Variants in KLHL8 observed in about 807,000 individuals in gnomAD.
The protein encoded by KLHL8 is kelch-like protein 8.
A neutral mutation model predicts 63.5 loss-of-function variants in KLHL8; 38 were observed. The ratio of observed to expected loss-of-function variants is 0.60; its 90% CI spans 0.46 to 0.78. KLHL8 has a LOEUF of 0.78. Ranked by LOEUF, KLHL8 falls within the 30% of genes least tolerant of loss-of-function variation. The pLI is 0.00. For synonymous variants in KLHL8, 224 were observed against 254.3 expected (o/e 0.88, Z 1.13); for missense variants, 566 against 752.4 (o/e 0.75, Z 2.90).
intron 1 of KLHL8, among the ~76,000 whole-genome samples, chr4:87,201,172 A>G (rs1280471922): frequency 6.6e-6 from 1 of 152,240 alleles, no homozygotes; most frequent in African/African-American, 2.4e-5. Flanking sequence ...TTTGCAAGAT[A>G]AAGTTCTAGA....
chr4:87,178,327 C>A (rs1314453023), intron 5 of KLHL8, 150 bp downstream of exon 5: 8 of 776,480 alleles, frequency 1.0e-5, no homozygotes, highest in African/African-American at 3.6e-5. Context: ...TCTGTGGGCA[C>A]AAAGCAAGTA....
chr4:87,171,199 A>C (rs989784239), intron 6 of KLHL8, among the ~76,000 whole-genome samples: 2 of 152,194 alleles, frequency 1.3e-5, no homozygotes, highest in Non-Finnish European at 2.9e-5. Flanking sequence ...TCAATTTCTT[A>C]AAAAACACAC....
intron 1 of KLHL8, among the ~76,000 whole-genome samples, chr4:87,239,555 A>G (rs1268751447): frequency 6.6e-6 from 1 of 152,176 alleles, no homozygotes; most frequent in African/African-American, 2.4e-5. Flanking sequence ...AGATCAGAGA[A>G]AAGGTGATGA....
chr4:87,177,012 G>A, intron 5 of KLHL8, 144 bp from the exon 6 acceptor site: 2 of 501,210 alleles, frequency 4.0e-6, no homozygotes, highest in Non-Finnish European at 6.9e-6. Context: ...TATGATCAAT[G>A]TCATTTCAGT....
chr4:87,226,613 A>G (rs1252879742), intron 1 of KLHL8, among the ~76,000 whole-genome samples: 1 of 50,168 alleles, frequency 2.0e-5, no homozygotes, highest in Non-Finnish European at 3.2e-5. Context: ...TATATTATTT[A>G]TATAAATAAT....
intron 8 of KLHL8, among the ~76,000 whole-genome samples, chr4:87,166,445 A>T (rs1477716258): frequency 6.6e-6 from 1 of 152,264 alleles, no homozygotes; most frequent in Non-Finnish European, 1.5e-5. Flanking sequence ...GGAAGGTATT[A>T]CTAATCACAA....
At chr4:87,225,850 G>C (rs1203260875) in intron 1 of KLHL8, among the ~76,000 whole-genome samples, 2 of 152,030 alleles carry the variant, frequency 1.3e-5, no homozygotes, top group Non-Finnish European at 2.9e-5. Flanking sequence ...GGGTGTTGTT[G>C]TTTTTTTGTT....
At chr4:87,224,866 A>G (rs898319642), upstream of KLHL8, among the ~76,000 whole-genome samples, 25 of 150,432 alleles carry the variant, frequency 1.7e-4, no homozygotes, top group African/African-American at 5.6e-4. Context: ...TTTGCTGACC[A>G]TTTTCTGATA....
At chr4:87,178,641 T>C (rs779603429) in intron 4 of KLHL8, 21 bp from the exon 5 acceptor site, 13 of 1,505,566 alleles carry the variant, frequency 8.6e-6, no homozygotes, top group Non-Finnish European at 1.1e-5. Context: ...AGCCACAAAA[T>C]AGAGATAAAT....
intron 1 of KLHL8, chr4:87,207,055 C>G: frequency 2.4e-6 from 1 of 415,732 alleles, no homozygotes; most frequent in Non-Finnish European, 4.6e-6. Context: ...ACAGCTGCAT[C>G]TTCTCATGCA....
chr4:87,227,274 G>A (rs1733047839), intron 1 of KLHL8, among the ~76,000 whole-genome samples: 1 of 151,772 alleles, frequency 6.6e-6, no homozygotes, highest in African/African-American at 2.4e-5. Flanking sequence ...CAGTTTTAAA[G>A]TATCTCTCTC....
chr4:87,207,482 T>C (rs574862850), intron 1 of KLHL8: 1 of 771,314 alleles, frequency 1.3e-6, no homozygotes, highest in African/African-American at 1.7e-5. Context: ...ATGTTAGTGA[T>C]GGGCATGAAC....
Position 87,207,557 on chromosome 4 carries a change from C to A in KLHL8, c.-151-11867G>T, listed in dbSNP as rs529552412. The A allele has an allele frequency of 1.2e-3, 1,309 of 1,121,806 alleles. 4 individuals are homozygous for A. The highest frequency in any genetic ancestry group is 1.5e-3 in the Non-Finnish European group (1,149 of 742,164). The allele number at this position is 1,121,806 out of a possible 1,614,324, so 69.5% of individuals were successfully genotyped here. A position where few individuals can be genotyped will look rare whatever the true frequency, so the allele number is the denominator to read the frequency against. ...GCCTTCTGCACCACCAACTGCTTAG[C>A]GCCCCTGGCCAATGTCATCCATGAC... On this transcript the variant is annotated intron_variant, in intron 1 of 9. Coordinates refer to ENST00000273963, the MANE Select transcript of KLHL8 (RefSeq NM_020803.5).
intron 1 of KLHL8, among the ~76,000 whole-genome samples, chr4:87,228,600 C>T (rs1733074745): frequency 6.6e-6 from 1 of 152,188 alleles, no homozygotes; most frequent in Admixed American, 6.5e-5. Flanking sequence ...CCTGCCCAGC[C>T]TTTCAGGCTT....
At chr4:87,217,485 C>T (rs1186203487) in intron 1 of KLHL8, among the ~76,000 whole-genome samples, 1 of 151,934 alleles carries the variant, frequency 6.6e-6, no homozygotes, top group Non-Finnish European at 1.5e-5. Context: ...CAGGTGCACA[C>T]CACCACATCT....
intron 1 of KLHL8, among the ~76,000 whole-genome samples, chr4:87,215,450 T>C (rs981226060): frequency 7.9e-5 from 12 of 152,194 alleles, no homozygotes; most frequent in South Asian, 2.1e-4. Context: ...ACCTTGAACT[T>C]TGAAAAACAT....
intron 1 of KLHL8, among the ~76,000 whole-genome samples, chr4:87,235,375 T>A (rs1240817770): frequency 6.6e-6 from 1 of 152,244 alleles, no homozygotes; most frequent in Admixed American, 6.5e-5. Flanking sequence ...ACATGCCATG[T>A]GGGTTTGTAG....
intron 2 of KLHL8, among the ~76,000 whole-genome samples, chr4:87,188,898 T>G (rs949884006): frequency 1.3e-5 from 2 of 152,264 alleles, no homozygotes; most frequent in Admixed American, 6.5e-5. Flanking sequence ...CTTAATTTTC[T>G]AATTTACATT....
At chr4:87,204,224 TC>T (rs1432122391) in intron 1 of KLHL8, among the ~76,000 whole-genome samples, 1 of 151,976 alleles carries the variant, frequency 6.6e-6, no homozygotes, top group Non-Finnish European at 1.5e-5. Context: ...CCCTGCCACA[TC>T]CCCATACACA....
Sources: gnomAD v4.1 joint callset for allele counts (sites outside exome capture counted in the v4.1 genomes callset) on GRCh38, gnomAD v4.1.1 for gene constraint, MANE v1.5 for transcripts, NCBI Gene and HGNC (gene_info 2026-07-23, HGNC 2026-07-21) for gene names.